The following ELOA variants were observed in gnomAD, a reference collection of about 807,000 sequenced individuals.
The protein encoded by ELOA is elongin-A.
Under a neutral mutation model 85.2 loss-of-function variants are expected in ELOA, and 15 were observed. That is an observed-to-expected ratio of 0.18 (90% CI 0.12 to 0.27). The LOEUF is 0.27. ELOA is among the 10% of genes least tolerant of loss of function. The probability of loss-of-function intolerance (pLI) is 1.00; values close to 1 mark genes in which losing one functional copy is unlikely to be tolerated. For synonymous variants in ELOA, 348 were observed against 357.2 expected, an observed-to-expected ratio of 0.97 and a Z score of 0.29; for missense variants, 769 against 952.7, an observed-to-expected ratio of 0.81 and a Z score of 2.54.
rs367603310 is a variant in ELOA at position 23,751,475 on chromosome 1, G to A, written c.870G>A (p.Arg290=). ...NRRPPSGDNA[R]EKPPSSGVKK... is the part of the protein sequence containing the mutation. ...GGCCACCCTCAGGGGACAATGCAAG[G>A]GAGAAACCGCCCTCTAGTGGCGTAA... is the stretch of plus-strand genomic sequence containing the variant. Residue 290 remains arginine (R), a synonymous_variant, in exon 4 of 11, where the codon AGG becomes AGA. Coordinates refer to ENST00000613537, the MANE Select transcript of ELOA (RefSeq NM_003198.3). The A allele has an allele frequency of 7.4e-6, 12 of 1,613,956 alleles. No homozygotes were observed. Among genetic ancestry groups the A allele is most frequent in the Admixed American group, 1.7e-5 (1 of 59,998 alleles).
chr1:23,756,196 C>G, intron 8 of ELOA, 78 bp from the exon 9 acceptor site: 1 of 1,458,028 alleles, frequency 6.9e-7, no homozygotes, highest in Non-Finnish European at 9.2e-7. Context: ...TCAGGGCACT[C>G]AAAAAGCCCG....
chr1:23,744,150 A>G (rs895486531), intron 1 of ELOA: 1 of 152,202 alleles, frequency 6.6e-6, no homozygotes, highest in African/African-American at 2.4e-5. Flanking sequence ...CCCTTTCAAA[A>G]CAGAATAAAG....
In ELOA at chr1:23,749,977, A is replaced by G. The variant is rs772808091; in HGVS notation, c.239+29A>G. The G allele has an allele frequency of 1.2e-5, 18 of 1,549,548 alleles. No homozygotes were observed. In the Admixed American group the frequency reaches 1.8e-4, roughly 16 times the overall value. ...AGAACATTTCTCTTTAGGTTTGTTC[A>G]ATTTCATGGTTAAATTTACAGATAG... On this transcript the variant is annotated intron_variant, in intron 3 of 10. Transcript: ENST00000613537.
At chr1:23,744,760 G>A (rs1464499920) in intron 1 of ELOA, among the ~76,000 whole-genome samples, 2 of 152,202 alleles carry the variant, frequency 1.3e-5, no homozygotes, top group Non-Finnish European at 2.9e-5. Flanking sequence ...ATTCTGGCCG[G>A]GGCGGGCAGT....
rs2148390608 is a variant in ELOA at position 23,761,182 on chromosome 1, T to TTTTAA, written c.*1613_*1617dup. On this transcript the variant is annotated 3_prime_UTR_variant, in exon 11 of 11. Coordinates refer to ENST00000613537, the MANE Select transcript of ELOA (RefSeq NM_003198.3). The stretch of plus-strand genomic sequence containing the variant: ...GTGACAGGACACAAATGTTACTATG[T>TTTTAA]TTTAATTTGCTATATTTTTGAATGG... 6.6e-6 allele frequency: 1 copy of TTTTAA among 152,256 alleles called. No individual in the cohort carries two copies. Among genetic ancestry groups the TTTTAA allele is most frequent in the Non-Finnish European group, 1.5e-5 (1 of 68,024 alleles). 9.4% of individuals were successfully genotyped at this position (152,256 alleles called of 1,614,324 possible). A position where few individuals can be genotyped will look rare whatever the true frequency, so the allele number is the denominator to read the frequency against.
intron 1 of ELOA, among the ~76,000 whole-genome samples, chr1:23,744,936 C>T (rs1644740078): frequency 6.6e-6 from 1 of 152,122 alleles, no homozygotes; most frequent in Non-Finnish European, 1.5e-5. Context: ...AACCAATCGT[C>T]ATTCTTTGGG....
intron 5 of ELOA, among the ~76,000 whole-genome samples, chr1:23,753,401 A>C (rs1644781320): frequency 6.6e-6 from 1 of 152,222 alleles, no homozygotes; most frequent in African/African-American, 2.4e-5. Context: ...TGGGTTTATC[A>C]CATAGTAATT....
chr1:23,750,332 C>T (rs973447002), intron 3 of ELOA, among the ~76,000 whole-genome samples: 12 of 151,854 alleles, frequency 7.9e-5, no homozygotes, highest in Admixed American at 5.2e-4. Flanking sequence ...CCCGCCACCA[C>T]GCCCGGCTAA....
At chr1:23,748,293 A>G (rs999511839) in intron 1 of ELOA, among the ~76,000 whole-genome samples, 1 of 151,176 alleles carries the variant, frequency 6.6e-6, no homozygotes, top group Admixed American at 6.6e-5. Context: ...GAGGTTTTTG[A>G]CTTATTCAAG....
At chr1:23,744,962 G>C (rs1644740192) in intron 1 of ELOA, among the ~76,000 whole-genome samples, 1 of 152,130 alleles carries the variant, frequency 6.6e-6, no homozygotes, top group African/African-American at 2.4e-5. Flanking sequence ...TTTTCTTGAA[G>C]AGCCACTTTC....
chr1:23,754,468 T>G lies in ELOA; in HGVS notation c.1791+8T>G. ...ATAGAGGAATACAATCATGTGAGTATTCTGTTTGGGTGGGAAGAGGGCAGT... is the reference window on the plus strand; with the variant it reads ...ATAGAGGAATACAATCATGTGAGTAGTCTGTTTGGGTGGGAAGAGGGCAGT... On this transcript the variant is annotated splice_region_variant and intron_variant, in intron 7 of 10. Transcript: ENST00000613537. 6.2e-7 allele frequency: 1 copy of G among 1,612,728 alleles called. No homozygotes were observed. Among genetic ancestry groups the G allele is most frequent in the Non-Finnish European group, 8.5e-7 (1 of 1,178,790 alleles).
intron 7 of ELOA, among the ~76,000 whole-genome samples, chr1:23,755,345 A>G (rs1330340506): frequency 1.3e-5 from 2 of 152,352 alleles, no homozygotes; most frequent in East Asian, 3.9e-4. Context: ...ACCAAAAGCA[A>G]CTAGCATAGT....
At chr1:23,748,947 A>G in intron 1 of ELOA, 74 bp from the exon 2 acceptor site, 1 of 1,215,450 alleles carries the variant, frequency 8.2e-7, no homozygotes, top group Non-Finnish European at 1.2e-6. Context: ...AATGGTTAGC[A>G]CTAAGCACTT....
intron 10 of ELOA, among the ~76,000 whole-genome samples, chr1:23,759,299 G>C (rs1638259198): frequency 6.6e-6 from 1 of 152,264 alleles, no homozygotes; most frequent in Non-Finnish European, 1.5e-5. Flanking sequence ...TGGTTAGAGA[G>C]AGTGGTGGTC....
chr1:23,750,490 C>G (rs527454079), intron 3 of ELOA, among the ~76,000 whole-genome samples: 4 of 152,246 alleles, frequency 2.6e-5, no homozygotes, highest in Admixed American at 2.0e-4. Context: ...TGGTATGTTT[C>G]TTTCTAACTG....
At chr1:23,757,318 T>C (rs534475488) in intron 10 of ELOA, among the ~76,000 whole-genome samples, 193 bp downstream of exon 10, 32 of 152,268 alleles carry the variant, frequency 2.1e-4, no homozygotes, top group South Asian at 1.9e-3. Context: ...TAAATAGTTA[T>C]AGTGAGTCTG....
chr1:23,756,135 C>G, intron 8 of ELOA, 112 bp downstream of exon 8: 1 of 1,454,822 alleles, frequency 6.9e-7, no homozygotes, highest in Non-Finnish European at 9.3e-7. Context: ...CATCAGGTAG[C>G]AGGGTGGGTA....
In ELOA at chr1:23,751,339, A is replaced by G; in HGVS notation, c.734A>G (p.His245Arg). 2 of 1,614,226 alleles carry G rather than the reference A, an allele frequency of 1.2e-6. No homozygotes were observed. Among genetic ancestry groups the G allele is most frequent in the Non-Finnish European group, 1.7e-6 (2 of 1,180,032 alleles). Residue 245 changes from histidine (H) to arginine (R), a missense_variant, in exon 4 of 11, where the codon CAC becomes CGC. By Grantham distance (29) the His-to-Arg change is conservative. Around this residue, in one of 4 missense-constraint regions of ELOA, gnomAD observed 440 missense variants for 474.0 expected, o/e 0.93. Coordinates refer to ENST00000613537, the MANE Select transcript of ELOA (RefSeq NM_003198.3). ...GKGVVSQNKE[H>R]KSSHKDKRPV... Reference sequence around the variant, plus strand: ...GGGGTTGTGAGTCAAAACAAGGAGCACAAATCTTCCCACAAGGACAAACGC... The same window carrying G: ...GGGGTTGTGAGTCAAAACAAGGAGCGCAAATCTTCCCACAAGGACAAACGC...
intron 1 of ELOA, among the ~76,000 whole-genome samples, chr1:23,747,548 GA>G (rs747089479): frequency 1.3e-5 from 2 of 152,184 alleles, no homozygotes; most frequent in Non-Finnish European, 2.9e-5. Flanking sequence ...CATTATGAGA[GA>G]ACCACTTGTT....
Sources: allele counts gnomAD v4.1 joint callset (sites outside exome capture counted in the v4.1 genomes callset), GRCh38; gene constraint gnomAD v4.1.1; regional missense constraint gnomAD v4.1.1; transcripts MANE v1.5; gene names NCBI Gene and HGNC (gene_info 2026-07-23, HGNC 2026-07-21).